RAB33A: variants seen among roughly 807,000 people sequenced by gnomAD.
RAB33A encodes RAB33A, member RAS oncogene family.
Under a neutral mutation model 12.0 loss-of-function variants are expected in RAB33A, and 6 were observed. The observed-to-expected ratio is 0.50, with a 90% CI of 0.27 to 0.99. The LOEUF (loss-of-function observed/expected upper bound fraction) is 0.99, where lower values mean the gene tolerates loss of function less well. Ranked by LOEUF, RAB33A falls within the 50% of genes least tolerant of loss-of-function variation. The pLI is 0.11. For synonymous variants in RAB33A, 70 were observed against 82.4 expected, an observed-to-expected ratio of 0.85 and a Z score of 0.81; for missense variants, 109 against 192.0, an observed-to-expected ratio of 0.57 and a Z score of 2.55.
chrX:130,153,206 C>T, the RAB33A span, among the ~76,000 whole-genome samples: 1 of 103,456 alleles, frequency 9.7e-6, no homozygotes, highest in African/African-American at 3.5e-5. Context: ...AAAAATTAGC[C>T]GGGCATGGTG....
the RAB33A span, among the ~76,000 whole-genome samples, chrX:130,140,183 T>G: frequency 8.9e-6 from 1 of 112,628 alleles, no homozygotes; most frequent in African/African-American, 3.2e-5. Context: ...CATAGCTACA[T>G]GGGTTTGATA....
chrX:130,130,083 C>T, the RAB33A span: 1 of 1,211,888 alleles, frequency 8.3e-7, no homozygotes, highest in Middle Eastern at 2.3e-4. Flanking sequence ...TGGACGGGAG[C>T]CTGTGGAACT....
the RAB33A span, among the ~76,000 whole-genome samples, chrX:130,140,816 A>G: frequency 1.8e-5 from 2 of 112,658 alleles, no homozygotes; most frequent in Admixed American, 9.4e-5. Flanking sequence ...CTCCAGGTCA[A>G]TAAGAAGTTG....
chrX:130,174,593 G>A (rs1398459340), intron 1 of RAB33A, among the ~76,000 whole-genome samples: 3 of 112,321 alleles, frequency 2.7e-5, no homozygotes, highest in Non-Finnish European at 5.6e-5. Flanking sequence ...CAAGGGCTTC[G>A]TCCTTTGCGA....
chrX:130,166,231 G>A, the RAB33A span, among the ~76,000 whole-genome samples: 1 of 111,769 alleles, frequency 8.9e-6, no homozygotes, highest in Non-Finnish European at 1.9e-5. Flanking sequence ...AGTCCGAGGC[G>A]CGGAACCTGG....
upstream of RAB33A, among the ~76,000 whole-genome samples, chrX:130,169,563 A>G (rs765808519): frequency 3.8e-4 from 43 of 112,100 alleles, no homozygotes; most frequent in Middle Eastern, 4.6e-3. Flanking sequence ...TTCAAAAGCA[A>G]TATATACTCA....
the RAB33A span, among the ~76,000 whole-genome samples, chrX:130,119,046 G>A: frequency 2.7e-5 from 3 of 111,673 alleles, no homozygotes; most frequent in Non-Finnish European, 5.7e-5. Flanking sequence ...TGACCGAGGG[G>A]AGCTAGCAGT....
chrX:130,129,673 C>A, the RAB33A span: 1 of 1,117,481 alleles, frequency 8.9e-7, no homozygotes, highest in Middle Eastern at 2.4e-4. Context: ...TACTCCATTG[C>A]GTTCAGGCCA....
At chrX:130,132,109 T>C in the RAB33A span, among the ~76,000 whole-genome samples, 5 of 111,491 alleles carry the variant, frequency 4.5e-5, no homozygotes, top group Non-Finnish European at 1.9e-5. Context: ...TGACCTCAAG[T>C]AATCTGCCCG....
upstream of RAB33A, among the ~76,000 whole-genome samples, chrX:130,169,429 G>A (rs898067083): frequency 2.7e-5 from 3 of 111,556 alleles, no homozygotes; most frequent in Non-Finnish European, 3.8e-5. Flanking sequence ...GCATGTATTT[G>A]AAAGTAATTT....
At chrX:130,147,612 T>C in the RAB33A span, 1 of 1,212,092 alleles carries the variant, frequency 8.3e-7, no homozygotes, top group Non-Finnish European at 1.1e-6. Context: ...GATCTTCAGA[T>C]ACAATCAGTA....
the RAB33A span, among the ~76,000 whole-genome samples, chrX:130,115,657 GAGAGAA>G: frequency 2.9e-4 from 28 of 96,665 alleles, no homozygotes; most frequent in South Asian, 1.0e-3. Context: ...AAGAAAGAAA[GAGAGAA>G]AGAGAGAGAG....
At chrX:130,164,409 A>C in the RAB33A span, among the ~76,000 whole-genome samples, 1 of 112,740 alleles carries the variant, frequency 8.9e-6, no homozygotes, top group African/African-American at 3.2e-5. Flanking sequence ...GCACATTTGC[A>C]AAGACCCTAA....
chrX:130,178,967 T>A (rs2031693727), intron 1 of RAB33A, among the ~76,000 whole-genome samples: 1 of 108,593 alleles, frequency 9.2e-6, no homozygotes, highest in Non-Finnish European at 1.9e-5. Flanking sequence ...TTTTTTTTTT[T>A]TAATGAGATC....
the RAB33A span, among the ~76,000 whole-genome samples, chrX:130,140,795 C>A: frequency 4.8e-4 from 54 of 112,582 alleles, 1 homozygote; most frequent in African/African-American, 1.5e-3. Context: ...ATTTCCATCA[C>A]CACCCCAAAA....
At chrX:130,152,824 T>C in the RAB33A span, among the ~76,000 whole-genome samples, 1 of 111,823 alleles carries the variant, frequency 8.9e-6, no homozygotes, top group Non-Finnish European at 1.9e-5. Context: ...CAAACTGTGG[T>C]TGCATGCCAT....
chrX:130,133,374 T>C, the RAB33A span: 1 of 1,211,233 alleles, frequency 8.3e-7, no homozygotes. Flanking sequence ...CCAGCCAATC[T>C]TCCACTCACA....
chrX:130,181,069 A>G (rs1055556578), intron 1 of RAB33A, among the ~76,000 whole-genome samples: 1 of 104,458 alleles, frequency 9.6e-6, no homozygotes, highest in Admixed American at 1.0e-4. Flanking sequence ...AGACCCTGCA[A>G]TGGAAACATC....
chrX:130,131,604 A>T, the RAB33A span: 1 of 1,188,543 alleles, frequency 8.4e-7, no homozygotes, highest in Non-Finnish European at 1.1e-6. Context: ...CAATACAGAA[A>T]CCCCTTGTTC....
Sources: gnomAD v4.1 joint callset for allele counts (sites outside exome capture counted in the v4.1 genomes callset) on GRCh38, gnomAD v4.1.1 for gene constraint, MANE v1.5 for transcripts, NCBI Gene and HGNC (gene_info 2026-07-23, HGNC 2026-07-21) for gene names.